The following MRM1 variants were observed in gnomAD, a reference collection of about 807,000 sequenced individuals.
MRM1 encodes rRNA methyltransferase 1, mitochondrial.
MRM1 carries 24 observed loss-of-function variants against 25.0 expected under a neutral mutation model. The ratio of observed to expected loss-of-function variants is 0.96; its 90% confidence interval spans 0.69 to 1.35. MRM1 has a LOEUF of 1.35. Among genes scored for constraint, MRM1 ranks in the 40% most tolerant of loss-of-function variants. MRM1 has a pLI of 0.00. For synonymous variants in MRM1, 188 were observed against 199.2 expected (o/e 0.94, Z 0.47); for missense variants, 431 against 464.1 (o/e 0.93, Z 0.65).
rs1040417074 is a variant in MRM1 at position 36,606,799 on chromosome 17, C to T, written c.637-871C>T. ...ATTTTTTGTGTGTTTTTAGTAGAGACGGAGTTTCACCATGTTAGCCAGGGT... is the reference window on the plus strand; with the variant it reads ...ATTTTTTGTGTGTTTTTAGTAGAGATGGAGTTTCACCATGTTAGCCAGGGT... On this transcript the variant is annotated intron_variant, in intron 2 of 4. Transcript: ENST00000614766. Among the ~76,000 whole-genome samples, 8 of 151,868 alleles carry T rather than the reference C, an allele frequency of 5.3e-5. No individual in the cohort carries two copies. The South Asian group carries it at 1.2e-3, about 24-fold the overall frequency.
At chr17:36,624,730 C>T in the MRM1 span, among the ~76,000 whole-genome samples, 6 of 152,128 alleles carry the variant, frequency 3.9e-5, no homozygotes, top group Non-Finnish European at 7.4e-5. The surrounding 1 kb of genome is among the most constrained non-coding windows in gnomAD (Gnocchi z 4.0). Context: ...ACTTGTGTCC[C>T]GGCCCTGGGG....
At chr17:36,631,060 G>C in the MRM1 span, among the ~76,000 whole-genome samples, 1 of 152,220 alleles carries the variant, frequency 6.6e-6, no homozygotes, top group African/African-American at 2.4e-5. Flanking sequence ...TCCCCCACGG[G>C]ATGACCATGA....
rs763470440 is a variant in MRM1 at position 36,601,784 on chromosome 17, C to A, written c.-27C>A. On this transcript the variant is annotated 5_prime_UTR_variant, in exon 1 of 5. Transcript: ENST00000614766. ...CCGCTCCCGGGGACGCAGCAAGGGG[C>A]ATCGAGTCCCTGGCGGGAGCTGCGC... The A allele has an allele frequency of 6.6e-7, 1 of 1,518,700 alleles. No individual in the cohort carries two copies. Among genetic ancestry groups the A allele is most frequent in the Non-Finnish European group, 8.8e-7 (1 of 1,136,410 alleles). The allele number at this position is 1,518,700 out of a possible 1,614,324, so 94.1% of individuals were successfully genotyped here. A position where few individuals can be genotyped will look rare whatever the true frequency, so the allele number is the denominator to read the frequency against.
chr17:36,625,741 T>C, the MRM1 span, among the ~76,000 whole-genome samples: 66,966 of 151,698 alleles, frequency 0.44, 15,938 homozygotes, highest in African/African-American at 0.63. Context: ...GGATTACAGG[T>C]GTGAGCCACT....
chr17:36,616,100 G>A, the MRM1 span, among the ~76,000 whole-genome samples: 1 of 152,104 alleles, frequency 6.6e-6, no homozygotes, highest in African/African-American at 2.4e-5. Context: ...GAATATCCCT[G>A]CCCCACTTAG....
the MRM1 span, among the ~76,000 whole-genome samples, chr17:36,614,106 G>A: frequency 9.2e-4 from 140 of 151,898 alleles, 1 homozygote; most frequent in Non-Finnish European, 1.3e-3. Flanking sequence ...CGATGATGAT[G>A]AAAAGAGGCT....
chr17:36,616,642 G>T, the MRM1 span, among the ~76,000 whole-genome samples: 7 of 152,234 alleles, frequency 4.6e-5, 1 homozygote, highest in Admixed American at 4.6e-4. Context: ...GAGGAGTGAT[G>T]TGGTGATGAT....
chr17:36,619,290 A>T, the MRM1 span, among the ~76,000 whole-genome samples: 1 of 152,188 alleles, frequency 6.6e-6, no homozygotes, highest in Non-Finnish European at 1.5e-5. Flanking sequence ...CCATCCATCC[A>T]TCGATGGGCA....
chr17:36,603,139 C>T (rs2074895742), intron 2 of MRM1: 1 of 985,198 alleles, frequency 1.0e-6, no homozygotes, highest in African/African-American at 1.7e-5. Flanking sequence ...GGCAGTATTG[C>T]TCTGCATATG....
Position 36,608,778 on chromosome 17 carries a change from C to A in MRM1, c.*363C>A, listed in dbSNP as rs2142843121. 48 of 181,586 alleles carry A rather than the reference C, an allele frequency of 2.6e-4. No homozygotes were observed. Among genetic ancestry groups the A allele is most frequent in the East Asian group, 4.1e-4 (3 of 7,374 alleles). 11.2% of individuals were successfully genotyped at this position (181,586 alleles called of 1,614,324 possible). A position where few individuals can be genotyped will look rare whatever the true frequency, so the allele number is the denominator to read the frequency against. On this transcript the variant is annotated 3_prime_UTR_variant, in exon 5 of 5. Coordinates refer to ENST00000614766, the MANE Select transcript of MRM1 (RefSeq NM_024864.5). ...CTCTTGAACCAGTCATTGCCTGTGG[C>A]AAATGTGTGTATGAGAATGTGGGGG... is the stretch of plus-strand genomic sequence containing the variant.
At position 36,602,650 on chromosome 17, in the gene MRM1, A is replaced by T; in HGVS notation, c.636+4A>T. On this transcript the variant is annotated splice_donor_region_variant and intron_variant, in intron 2 of 4. Transcript: ENST00000614766. This position sits in a 1 kb window ranked among gnomAD's most constrained non-coding sequence, Gnocchi z 4.1. ...TGACCTCACCGGATTTTTACAGGTA[A>T]TGAGGGGCAAGAGGGGAAGGAACAG... 1 of 1,614,046 alleles carries T rather than the reference A, an allele frequency of 6.2e-7. No homozygotes were observed. The highest frequency in any genetic ancestry group is 8.5e-7 in the Non-Finnish European group (1 of 1,179,922).
At position 36,607,776 on chromosome 17, in the gene MRM1, GGGAAC is replaced by G. The variant is rs2074943889; in HGVS notation, c.746_750del (p.Glu249AlafsTer9). The stretch of plus-strand genomic sequence containing the variant: ...ATCATGAGTTGCTTGGAGTTCCTCT[GGGAAC>G]GGCCTACTCTCCTTGTGCTGGGTAG... On this transcript the variant is annotated frameshift_variant, in exon 3 of 5. Transcript: ENST00000614766. LOFTEE classifies it high-confidence loss of function. 6.2e-7 allele frequency: 1 copy of G among 1,613,980 alleles called. No homozygotes were observed. Among genetic ancestry groups the G allele is most frequent in the African/African-American group, 1.3e-5 (1 of 74,910 alleles).
At chr17:36,618,925 T>C in the MRM1 span, among the ~76,000 whole-genome samples, 913 of 152,300 alleles carry the variant, frequency 6.0e-3, 10 homozygotes, top group African/African-American at 0.021. Flanking sequence ...CTTTTGTTGT[T>C]ATTGTCTTAG....
chr17:36,601,649 G>C lies in MRM1; in HGVS notation c.-162G>C, dbSNP rs1013355508. 1.4e-6 allele frequency: 1 copy of C among 733,248 alleles called. No homozygotes were observed. Among genetic ancestry groups the C allele is most frequent in the African/African-American group, 1.8e-5 (1 of 55,896 alleles). 45.4% of individuals were successfully genotyped at this position (733,248 alleles called of 1,614,324 possible). A position where few individuals can be genotyped will look rare whatever the true frequency, so the allele number is the denominator to read the frequency against. ...GTGGTCGTAGCTCGGTAGTCCAGTT[G>C]TGGGTAATCGGGGCTGTTTGTTCCT... is the stretch of plus-strand genomic sequence containing the variant. On this transcript the variant is annotated 5_prime_UTR_variant, in exon 1 of 5. Transcript: ENST00000614766.
At position 36,607,753 on chromosome 17, in the gene MRM1, C is replaced by A. The variant is rs2142841268; in HGVS notation, c.720C>A (p.Ile240=). Residue 240 remains isoleucine, a synonymous_variant, in exon 3 of 5, where the codon ATC becomes ATA. Coordinates refer to ENST00000614766, the MANE Select transcript of MRM1 (RefSeq NM_024864.5). ...ATCCCCAGTCCTCCGAGATCCCCATCATGAGTTGCTTGGAGTTCCTCTGGG... is the reference window on the plus strand; with the variant it reads ...ATCCCCAGTCCTCCGAGATCCCCATAATGAGTTGCTTGGAGTTCCTCTGGG... ...TEDPQSSEIP[I]MSCLEFLWER... 1 of 1,614,242 alleles carries A rather than the reference C, an allele frequency of 6.2e-7. No individual in the cohort carries two copies. Among genetic ancestry groups the A allele is most frequent in the East Asian group, 2.2e-5 (1 of 44,884 alleles).
the MRM1 span, among the ~76,000 whole-genome samples, chr17:36,614,531 A>T: frequency 6.6e-6 from 1 of 151,916 alleles, no homozygotes; most frequent in Non-Finnish European, 1.5e-5. Context: ...TCAACCTCTA[A>T]TCCATAGGTT....
the MRM1 span, among the ~76,000 whole-genome samples, chr17:36,615,230 T>C: frequency 2.6e-5 from 4 of 152,218 alleles, no homozygotes; most frequent in African/African-American, 9.6e-5. Flanking sequence ...GGGCTGGGCC[T>C]GTCTTTCTCC....
intron 4 of MRM1, 97 bp downstream of exon 4, chr17:36,608,115 A>C (rs918759675): frequency 6.5e-7 from 1 of 1,542,442 alleles, no homozygotes; most frequent in Non-Finnish European, 8.8e-7. Flanking sequence ...TGTGTGCCTC[A>C]GTTGCTTTAT....
chr17:36,622,572 A>T, the MRM1 span, among the ~76,000 whole-genome samples: 1 of 119,570 alleles, frequency 8.4e-6, no homozygotes, highest in East Asian at 2.2e-4. Context: ...ACTCCGTCTC[A>T]AAAAAAAAAA....
Sources: allele counts gnomAD v4.1 joint callset (sites outside exome capture counted in the v4.1 genomes callset), GRCh38; gene constraint gnomAD v4.1.1; non-coding constraint Gnocchi (gnomAD v3.1); transcripts MANE v1.5; gene names NCBI Gene and HGNC (gene_info 2026-07-23, HGNC 2026-07-21).